Variants in SEC61G observed in about 807,000 individuals in gnomAD.
The protein encoded by SEC61G is protein transport protein Sec61 subunit gamma.
A neutral mutation model predicts 7.5 loss-of-function variants in SEC61G; 4 were observed. That is an observed-to-expected ratio of 0.54 (90% confidence interval 0.26 to 1.22). The LOEUF (loss-of-function observed/expected upper bound fraction) is 1.22, where lower values mean the gene tolerates loss of function less well. Among genes scored for constraint, SEC61G ranks in the 50% most tolerant of loss-of-function variants. The probability of loss-of-function intolerance (pLI) is 0.12; values close to 1 mark genes in which losing one functional copy is unlikely to be tolerated. For missense variants in SEC61G, 53 were observed against 84.6 expected, an observed-to-expected ratio of 0.63 and a Z score of 1.46; for synonymous variants, 24 against 24.4, an observed-to-expected ratio of 0.98 and a Z score of 0.05.
chr7:54,759,191 G>T lies in SEC61G; in HGVS notation c.-40C>A, dbSNP rs765576969. On this transcript the variant is annotated 5_prime_UTR_variant, in exon 1 of 4. Coordinates refer to ENST00000352861, the MANE Select transcript of SEC61G (RefSeq NM_014302.4). ...CCGACACCTAAAATGCCAGGGACAC[G>T]TAGCACTGGAGCTTGCTGATGGAGG... 2 of 518,926 alleles carry T rather than the reference G, an allele frequency of 3.9e-6. No homozygotes were observed. Among genetic ancestry groups the T allele is most frequent in the Non-Finnish European group, 7.7e-6 (2 of 259,870 alleles). 32.1% of individuals were successfully genotyped at this position (518,926 alleles called of 1,614,324 possible). A position where few individuals can be genotyped will look rare whatever the true frequency, so the allele number is the denominator to read the frequency against.
intron 2 of SEC61G, among the ~76,000 whole-genome samples, chr7:54,756,375 G>C (rs1753811189): frequency 6.6e-6 from 1 of 152,168 alleles, no homozygotes; most frequent in Non-Finnish European, 1.5e-5. Flanking sequence ...ATCAAACTGG[G>C]CTGGGCCCAG....
chr7:54,755,150 C>T (rs1020762320), intron 3 of SEC61G: 6 of 152,158 alleles, frequency 3.9e-5, no homozygotes, highest in Admixed American at 3.9e-4. Context: ...TGTTTCTCAG[C>T]CTTTTTTGCC....
intron 2 of SEC61G, among the ~76,000 whole-genome samples, chr7:54,756,965 C>CTA (rs996306173): frequency 3.6e-5 from 5 of 139,946 alleles, no homozygotes; most frequent in African/African-American, 1.0e-4. Flanking sequence ...ATACTATATA[C>CTA]TATATATACT....
chr7:54,759,040 C>T (rs888472894), intron 1 of SEC61G, 118 bp downstream of exon 1: 10 of 393,078 alleles, frequency 2.5e-5, no homozygotes, highest in African/African-American at 6.2e-5. Context: ...CCACTTACCG[C>T]CCGCCCCGCG....
At chr7:54,756,644 C>T (rs1791521120) in intron 2 of SEC61G, among the ~76,000 whole-genome samples, 1 of 152,176 alleles carries the variant, frequency 6.6e-6, no homozygotes, top group Non-Finnish European at 1.5e-5. Flanking sequence ...CAGAGTGAGA[C>T]TCTGTCTGAG....
chr7:54,753,239 G>A (rs1279647507), intron 3 of SEC61G, among the ~76,000 whole-genome samples: 1 of 152,092 alleles, frequency 6.6e-6, no homozygotes, highest in African/African-American at 2.4e-5. Context: ...GCTGCAATAA[G>A]CTAAGATTGC....
At position 54,752,334 on chromosome 7, in the gene SEC61G, T is replaced by A; in HGVS notation, c.*77A>T. The A allele has an allele frequency of 1.0e-6, 1 of 990,144 alleles. No individual in the cohort carries two copies. Among genetic ancestry groups the A allele is most frequent in the Non-Finnish European group, 1.5e-6 (1 of 677,342 alleles). The allele number at this position is 990,144 out of a possible 1,614,324, so 61.3% of individuals were successfully genotyped here. A position where few individuals can be genotyped will look rare whatever the true frequency, so the allele number is the denominator to read the frequency against. ...AAACCCACAAAACATACAGGCAAAT[T>A]TGTATTCTGTGAGTTTCTCACACCC... On this transcript the variant is annotated 3_prime_UTR_variant, in exon 4 of 4. Coordinates refer to ENST00000352861, the MANE Select transcript of SEC61G (RefSeq NM_014302.4).
At chr7:54,757,445 G>T (rs562803342) in intron 2 of SEC61G, 50 bp downstream of exon 2, 5 of 1,438,852 alleles carry the variant, frequency 3.5e-6, no homozygotes, top group East Asian at 4.6e-5. Flanking sequence ...CAAACAAAAG[G>T]CTTAGAAAAT....
rs773804204 is a variant in SEC61G, at chr7:54,759,172, C to A, written c.-21G>T. The A allele has an allele frequency of 5.6e-5, 29 of 518,912 alleles. No individual in the cohort carries two copies. The highest frequency in any genetic ancestry group is 1.0e-4 in the Non-Finnish European group (26 of 259,868). 32.1% of individuals were successfully genotyped at this position (518,912 alleles called of 1,614,324 possible). A position where few individuals can be genotyped will look rare whatever the true frequency, so the allele number is the denominator to read the frequency against. Reference sequence around the variant, plus strand: ...AAGAAACTCACCTACCCAACCGACACCTAAAATGCCAGGGACACGTAGCAC... The same window carrying A: ...AAGAAACTCACCTACCCAACCGACAACTAAAATGCCAGGGACACGTAGCAC... On this transcript the variant is annotated 5_prime_UTR_variant, in exon 1 of 4. Transcript: ENST00000352861.
At chr7:54,757,706 G>T (rs1791548104) in intron 1 of SEC61G, 112 bp from the exon 2 acceptor site, 3 of 738,360 alleles carry the variant, frequency 4.1e-6, no homozygotes, top group African/African-American at 1.7e-5. Context: ...TCTAACATGG[G>T]TCAATTCCAC....
At chr7:54,756,942 CTATACTATATA>C (rs1042398081) in intron 2 of SEC61G, among the ~76,000 whole-genome samples, 5 of 147,366 alleles carry the variant, frequency 3.4e-5, no homozygotes, top group African/African-American at 1.2e-4. Context: ...ATACTATATA[CTATACTATATA>C]TATACTATAT....
Position 54,757,525 on chromosome 7 carries a change from C to T in SEC61G, c.64G>A (p.Val22Ile), listed in dbSNP as rs967187358. ...CTATCAGGTTTAGTGCATCTTTTAA[C>T]CAGCCGAATGGAGTCCTTTACAAAC... ...RQFVKDSIRL[V>I]KRCTKPDRKE... The change falls in exon 2 of 4, where the codon GTT becomes ATT. Residue 22 changes from valine (V) to isoleucine (I), a missense_variant. Val to Ile is a conservative substitution (Grantham distance 29). Transcript: ENST00000352861. 6.2e-7 allele frequency: 1 copy of T among 1,614,054 alleles called. No individual in the cohort carries two copies. Among genetic ancestry groups the T allele is most frequent in the Non-Finnish European group, 8.5e-7 (1 of 1,179,938 alleles).
chr7:54,755,999 T>C (rs1226644321), intron 2 of SEC61G, 118 bp from the exon 3 acceptor site: 7 of 477,550 alleles, frequency 1.5e-5, no homozygotes, highest in East Asian at 6.5e-5. Flanking sequence ...TTAATAGATA[T>C]ATAATTTAAA....
At chr7:54,754,740 C>G (rs1051347188) in intron 3 of SEC61G, 1 of 152,000 alleles carries the variant, frequency 6.6e-6, no homozygotes, top group Non-Finnish European at 1.5e-5. Context: ...AACTTCACCA[C>G]CCCATAAAAT....
At chr7:54,757,880 A>G (rs894153350) in intron 1 of SEC61G, among the ~76,000 whole-genome samples, 4 of 152,268 alleles carry the variant, frequency 2.6e-5, no homozygotes, top group Admixed American at 2.6e-4. Flanking sequence ...CTCTATTAAA[A>G]GGTTAAAAAA....
Position 54,755,864 on chromosome 7 carries a change from T to C in SEC61G, c.112A>G (p.Met38Val), listed in dbSNP as rs754767073. 6 of 1,581,958 alleles carry C rather than the reference T, an allele frequency of 3.8e-6. No individual in the cohort carries two copies. The highest frequency in any genetic ancestry group is 1.2e-5 in the South Asian group (1 of 85,506). The change falls in exon 3 of 4, where the codon ATG (methionine) becomes GTG (valine). Residue 38 changes from methionine to valine, a missense_variant. Transcript: ENST00000352861. Reference protein sequence around the residue: ...PDRKEFQKIAMATAIGFAIMG... With the variant: ...PDRKEFQKIAVATAIGFAIMG... ...ATAGCAAATCCTATTGCTGTTGCCA[T>C]GGCAATCTTCTGGAATTCTGCATTT...
intron 2 of SEC61G, among the ~76,000 whole-genome samples, chr7:54,756,965 CTATATAT>C (rs1182816275): frequency 1.4e-5 from 2 of 139,946 alleles, no homozygotes; most frequent in Non-Finnish European, 3.2e-5. Context: ...ATACTATATA[CTATATAT>C]ACTATATACT....
chr7:54,755,650 AAT>A (rs1328682444), intron 3 of SEC61G, 127 bp downstream of exon 3: 1 of 455,824 alleles, frequency 2.2e-6, no homozygotes. Context: ...GGTACTCGTA[AAT>A]ATCAGTAGAC....
intron 3 of SEC61G, among the ~76,000 whole-genome samples, chr7:54,753,746 A>T (rs1278827887): frequency 6.6e-6 from 1 of 152,212 alleles, no homozygotes; most frequent in Non-Finnish European, 1.5e-5. Context: ...TAACTAGAAG[A>T]AAAGTTTTCT....
Sources: gnomAD v4.1 joint callset for allele counts (sites outside exome capture counted in the v4.1 genomes callset) on GRCh38, gnomAD v4.1.1 for gene constraint, MANE v1.5 for transcripts, NCBI Gene and HGNC (gene_info 2026-07-23, HGNC 2026-07-21) for gene names.